TRPM3: variants seen among roughly 807,000 people sequenced by gnomAD.
TRPM3 encodes long transient receptor potential channel 3.
In TRPM3, 77 loss-of-function variants were observed where a neutral mutation model predicts 181.2. That is an observed-to-expected ratio of 0.42 (90% confidence interval 0.35 to 0.51). The LOEUF is 0.51. Ranked by LOEUF, TRPM3 falls within the 20% of genes least tolerant of loss-of-function variation. The pLI, the probability that TRPM3 is intolerant of heterozygous loss-of-function variation, is 0.01. For synonymous variants in TRPM3, 745 were observed against 796.4 expected (o/e 0.94, Z 1.09); for missense variants, 1,759 against 2,196.7 (o/e 0.80, Z 3.98).
chr9:70,817,491 T>G (rs2092800415), intron 6 of TRPM3, among the ~76,000 whole-genome samples: 1 of 152,212 alleles, frequency 6.6e-6, no homozygotes, highest in Non-Finnish European at 1.5e-5. Context: ...TTGAAGCATC[T>G]ATTATTTTGA....
rs78938143 is a variant in TRPM3 at position 70,969,756 on chromosome 9, TTATATATATA to T, written c.178-105255_178-105246del. 1.5e-3 allele frequency among the ~76,000 whole-genome samples: 194 copies of T among 126,620 alleles called. 5 individuals are homozygous for T. In the East Asian group the frequency reaches 0.025, roughly 16 times the overall value. 83.1% of individuals were successfully genotyped at this position (126,620 alleles called of 152,430 possible). A position where few individuals can be genotyped will look rare whatever the true frequency, so the allele number is the denominator to read the frequency against. ...GGATTGTTGTGAAGACTGAATGATT[TTATATATATA>T]TATATATATATATACACACACACAC... On this transcript the variant is annotated intron_variant, in intron 1 of 25. Transcript: ENST00000677713.
intron 1 of TRPM3, among the ~76,000 whole-genome samples, chr9:71,025,363 A>G (rs2134573321): frequency 6.6e-6 from 1 of 152,316 alleles, no homozygotes; most frequent in Middle Eastern, 3.4e-3. Context: ...CCTGAAGTCT[A>G]TATAACAACA....
chr9:70,820,918 A>G (rs780830724), intron 6 of TRPM3, among the ~76,000 whole-genome samples: 16 of 152,148 alleles, frequency 1.1e-4, no homozygotes, highest in Non-Finnish European at 2.2e-4. Context: ...CCCAAAAGTT[A>G]TACTCTTCTC....
intron 1 of TRPM3, among the ~76,000 whole-genome samples, chr9:70,942,868 T>C (rs2096898948): frequency 6.6e-6 from 1 of 152,154 alleles, no homozygotes; most frequent in Non-Finnish European, 1.5e-5. Flanking sequence ...CATTTTTCTT[T>C]TTATCAAATT....
chr9:71,088,047 G>C (rs1409275204), intron 1 of TRPM3, among the ~76,000 whole-genome samples: 1 of 151,946 alleles, frequency 6.6e-6, no homozygotes, highest in East Asian at 1.9e-4. Flanking sequence ...GCTTGATATT[G>C]GGCTAGGTGC....
intron 1 of TRPM3, among the ~76,000 whole-genome samples, chr9:71,048,633 C>A (rs555788379): frequency 6.6e-6 from 1 of 152,318 alleles, no homozygotes; most frequent in East Asian, 1.9e-4. Flanking sequence ...AACCATGTTC[C>A]ACTCACCCCA....
chr9:71,137,319 C>T (rs530516096), intron 1 of TRPM3, among the ~76,000 whole-genome samples: 8 of 152,280 alleles, frequency 5.3e-5, no homozygotes, highest in African/African-American at 1.9e-4. Context: ...TTGTATATCG[C>T]TTCTCCCTTT....
At chr9:71,221,138 G>A (rs2080214889) in intron 1 of TRPM3, among the ~76,000 whole-genome samples, 1 of 152,048 alleles carries the variant, frequency 6.6e-6, no homozygotes, top group African/African-American at 2.4e-5. Context: ...ATTGCTTTAG[G>A]TACTAGATTA....
chr9:70,875,602 TA>T (rs2095856962), intron 1 of TRPM3, among the ~76,000 whole-genome samples: 1 of 152,016 alleles, frequency 6.6e-6, no homozygotes, highest in Non-Finnish European at 1.5e-5. Flanking sequence ...TTATTACAAT[TA>T]ATTAATAACT....
intron 1 of TRPM3, among the ~76,000 whole-genome samples, chr9:71,052,186 T>TAA (rs2060135926): frequency 6.6e-6 from 1 of 152,154 alleles, no homozygotes. Context: ...ATGATCTCAT[T>TAA]AAACCAAATA....
chr9:70,586,776 A>G (rs572836843), intron 22 of TRPM3, among the ~76,000 whole-genome samples: 2 of 152,328 alleles, frequency 1.3e-5, no homozygotes, highest in African/African-American at 4.8e-5. Context: ...GCATAACAAT[A>G]GTCATCTTCG....
intron 9 of TRPM3, among the ~76,000 whole-genome samples, chr9:70,644,094 C>T (rs1222089830): frequency 6.6e-6 from 1 of 152,204 alleles, no homozygotes; most frequent in South Asian, 2.1e-4. Flanking sequence ...ATTGAATACT[C>T]TCTCTGCTGG....
chr9:70,808,220 G>A (rs2091127046), intron 6 of TRPM3, among the ~76,000 whole-genome samples: 1 of 152,114 alleles, frequency 6.6e-6, no homozygotes. Flanking sequence ...TGCTGACTTT[G>A]AGACCAAAAT....
chr9:71,258,166 T>A (rs1451182022), intron 1 of TRPM3, among the ~76,000 whole-genome samples: 1 of 152,244 alleles, frequency 6.6e-6, no homozygotes, highest in Non-Finnish European at 1.5e-5. Flanking sequence ...CCCTCATTTA[T>A]GTACCAGGCT....
In TRPM3 at chr9:70,628,818, T is replaced by TAAAAAAA. The variant is rs10699305; in HGVS notation, c.1633-3308_1633-3302dup. ...TGGGCGACAGAGCAAGACTCTGTCT[T>TAAAAAAA]AAAAAAAAAAAAAAAAAAAAAAAAT... is the stretch of plus-strand genomic sequence containing the variant. On this transcript the variant is annotated intron_variant, in intron 12 of 25. Coordinates refer to ENST00000677713, the MANE Select transcript of TRPM3 (RefSeq NM_001366145.2). 5.2e-3 allele frequency among the ~76,000 whole-genome samples: 468 copies of TAAAAAAA among 89,390 alleles called. 4 individuals carry two copies. The highest frequency in any genetic ancestry group is 0.02 in the East Asian group (43 of 2,142). The allele number at this position is 89,390 out of a possible 152,430, so 58.6% of individuals were successfully genotyped here. A position where few individuals can be genotyped will look rare whatever the true frequency, so the allele number is the denominator to read the frequency against.
At chr9:70,831,025 C>T (rs905098133) in intron 5 of TRPM3, among the ~76,000 whole-genome samples, 4 of 152,100 alleles carry the variant, frequency 2.6e-5, no homozygotes, top group Non-Finnish European at 2.9e-5. Flanking sequence ...AGTCTGTTGG[C>T]AAAATATGCA....
At chr9:70,964,846 C>G (rs1474549402) in intron 1 of TRPM3, among the ~76,000 whole-genome samples, 1 of 152,052 alleles carries the variant, frequency 6.6e-6, no homozygotes, top group Non-Finnish European at 1.5e-5. Flanking sequence ...TGACTCTTTT[C>G]TGTTATATGG....
At chr9:70,952,091 G>A (rs1201835036) in intron 1 of TRPM3, among the ~76,000 whole-genome samples, 3 of 152,132 alleles carry the variant, frequency 2.0e-5, no homozygotes, top group Non-Finnish European at 2.9e-5. Context: ...AACCATAAAT[G>A]AACCCACATT....
At chr9:70,657,113 A>T (rs571023951) in intron 9 of TRPM3, among the ~76,000 whole-genome samples, 1 of 151,628 alleles carries the variant, frequency 6.6e-6, no homozygotes, top group Admixed American at 6.6e-5. Context: ...TTATATACAT[A>T]AAAAACCCAA....
Sources: allele counts gnomAD v4.1 joint callset (sites outside exome capture counted in the v4.1 genomes callset), GRCh38; gene constraint gnomAD v4.1.1; transcripts MANE v1.5; gene names NCBI Gene and HGNC (gene_info 2026-07-23, HGNC 2026-07-21).